SHROOM4: variants seen among roughly 807,000 people sequenced by gnomAD.
SHROOM4 encodes shroom family member 4, also known as protein Shroom4.
SHROOM4 carries 17 observed loss-of-function variants against 80.3 expected under a neutral mutation model. That is an observed-to-expected ratio of 0.21 (90% CI 0.14 to 0.32). The LOEUF (loss-of-function observed/expected upper bound fraction) is 0.32. Among genes scored for constraint, SHROOM4 ranks in the 10% least tolerant of loss-of-function variants. The pLI, the probability that SHROOM4 is intolerant of heterozygous loss-of-function variation, is 1.00. For missense variants in SHROOM4, 993 were observed against 1,140.3 expected (o/e 0.87, Z 1.86); for synonymous variants, 400 against 437.5 (o/e 0.91, Z 1.07).
At chrX:50,624,176 T>A (rs958973460) in intron 5 of SHROOM4, among the ~76,000 whole-genome samples, 11 of 112,088 alleles carry the variant, frequency 9.8e-5, no homozygotes, top group African/African-American at 3.6e-4. Context: ...AATTGTACAC[T>A]TAAAACAGGT....
chrX:50,650,540 A>T (rs1314685166), intron 2 of SHROOM4, among the ~76,000 whole-genome samples: 44 of 105,525 alleles, frequency 4.2e-4, no homozygotes, highest in African/African-American at 1.5e-3. Flanking sequence ...TTTGTATTTT[A>T]GTAGAGATGG....
At chrX:50,716,490 AT>A (rs1333613840) in intron 1 of SHROOM4, among the ~76,000 whole-genome samples, 27 of 111,807 alleles carry the variant, frequency 2.4e-4, no homozygotes, top group Non-Finnish European at 4.7e-4. Context: ...ATTAAAAATA[AT>A]TTTTTTACAA....
At chrX:50,789,936 T>G (rs782260352) in intron 1 of SHROOM4, among the ~76,000 whole-genome samples, 9 of 112,375 alleles carry the variant, frequency 8.0e-5, no homozygotes, top group Non-Finnish European at 1.7e-4. Flanking sequence ...CTAGATGGTA[T>G]AGCCTATTAC....
At chrX:50,602,541 G>C (rs1335852848) in intron 7 of SHROOM4, 92 bp downstream of exon 7, 6 of 911,870 alleles carry the variant, frequency 6.6e-6, no homozygotes, top group Non-Finnish European at 9.6e-6. Flanking sequence ...ATGGGAATGC[G>C]AGATGTTCTA....
At position 50,695,982 on chromosome X, in the gene SHROOM4, T is replaced by C. The variant is rs782152213; in HGVS notation, c.118-45A>G. 8.3e-6 allele frequency: 10 copies of C among 1,198,553 alleles called. No homozygotes were observed. The African/African-American group carries it at 1.4e-4, about 17-fold the overall frequency. On this transcript the variant is annotated intron_variant, in intron 1 of 8. Coordinates refer to ENST00000376020, the MANE Select transcript of SHROOM4 (RefSeq NM_020717.5). ...ACAGAAAGCAGGTAGTGAGATGACTTTCTCCCCAAAATTCTACTTGTTTCT... is the reference window on the plus strand; with the variant it reads ...ACAGAAAGCAGGTAGTGAGATGACTCTCTCCCCAAAATTCTACTTGTTTCT...
rs374256365 is a variant in SHROOM4, at chrX:50,641,117, T to C, written c.270-2809A>G. On this transcript the variant is annotated intron_variant, in intron 2 of 8. Coordinates refer to ENST00000376020, the MANE Select transcript of SHROOM4 (RefSeq NM_020717.5). Reference sequence around the variant, plus strand: ...TCTTCAAGGTACTGCTCAAGTACCATCTCCTCCAGGAAGCTTGTTCAGGGT... The same window carrying C: ...TCTTCAAGGTACTGCTCAAGTACCACCTCCTCCAGGAAGCTTGTTCAGGGT... Among the ~76,000 whole-genome samples, 8 of 112,148 alleles carry C rather than the reference T, an allele frequency of 7.1e-5. No homozygotes were observed. The East Asian group carries it at 8.4e-4, about 12-fold the overall frequency.
At chrX:50,693,658 T>C (rs782491536) in intron 2 of SHROOM4, among the ~76,000 whole-genome samples, 1 of 108,678 alleles carries the variant, frequency 9.2e-6, no homozygotes, top group South Asian at 4.2e-4. Flanking sequence ...GATACATACA[T>C]ATAATGTGTA....
At chrX:50,599,222 G>C (rs142125499) in intron 7 of SHROOM4, among the ~76,000 whole-genome samples, 338 of 111,104 alleles carry the variant, frequency 3.0e-3, no homozygotes, top group African/African-American at 0.011. Context: ...TTTGCACTAA[G>C]GTATTTGCCT....
chrX:50,637,031 G>A (rs1340419337), intron 3 of SHROOM4, among the ~76,000 whole-genome samples: 1 of 111,167 alleles, frequency 9.0e-6, no homozygotes, highest in Admixed American at 9.6e-5. Flanking sequence ...TACTAGTATT[G>A]ATAATATAGG....
chrX:50,744,388 T>C (rs912940052), intron 1 of SHROOM4, among the ~76,000 whole-genome samples: 4 of 111,856 alleles, frequency 3.6e-5, no homozygotes, highest in African/African-American at 9.7e-5. Context: ...CCTTAAGAAT[T>C]TTTGTTTTGC....
intron 5 of SHROOM4, among the ~76,000 whole-genome samples, chrX:50,613,912 A>G (rs1386627771): frequency 8.9e-6 from 1 of 112,341 alleles, no homozygotes; most frequent in Non-Finnish European, 1.9e-5. Context: ...TTCTAAAGTT[A>G]GCAGTAAATA....
the SHROOM4 span, among the ~76,000 whole-genome samples, chrX:50,577,831 C>T: frequency 9.0e-6 from 1 of 111,250 alleles, no homozygotes; most frequent in African/African-American, 3.3e-5. Flanking sequence ...CTCCCCTGCT[C>T]CATTGTTCAT....
chrX:50,700,635 C>G (rs937838176), intron 1 of SHROOM4, among the ~76,000 whole-genome samples: 1 of 111,477 alleles, frequency 9.0e-6, no homozygotes, highest in Admixed American at 9.5e-5. Flanking sequence ...GCTTTCAAAC[C>G]TCGGCAGTCT....
At chrX:50,798,617 C>T (rs1936061425) in intron 1 of SHROOM4, among the ~76,000 whole-genome samples, 1 of 111,433 alleles carries the variant, frequency 9.0e-6, no homozygotes, top group Non-Finnish European at 1.9e-5. Context: ...CACTTACTGG[C>T]TTGGTTACTT....
chrX:50,680,029 A>G (rs1932908147), intron 2 of SHROOM4, among the ~76,000 whole-genome samples: 1 of 112,207 alleles, frequency 8.9e-6, no homozygotes, highest in East Asian at 2.8e-4. Context: ...AATTCTCAGA[A>G]TCAATGTCTC....
chrX:50,627,603 C>A lies in SHROOM4; in HGVS notation c.2957+11G>T. The stretch of plus-strand genomic sequence containing the variant: ...CACCAACCCACCCCAACTCCCTGAG[C>A]GCTCACTTACCTCCCTGACTGGCTG... On this transcript the variant is annotated intron_variant, in intron 5 of 8. Coordinates refer to ENST00000376020, the MANE Select transcript of SHROOM4 (RefSeq NM_020717.5). 1 of 1,206,306 alleles carries A rather than the reference C, an allele frequency of 8.3e-7. No homozygotes were observed. The highest frequency in any genetic ancestry group is 1.1e-6 in the Non-Finnish European group (1 of 890,582).
At chrX:50,612,743 A>G (rs1930056886) in intron 5 of SHROOM4, among the ~76,000 whole-genome samples, 1 of 111,998 alleles carries the variant, frequency 8.9e-6, no homozygotes, top group African/African-American at 3.2e-5. Context: ...CTACTGATAT[A>G]ATTGACAACA....
the SHROOM4 span, among the ~76,000 whole-genome samples, chrX:50,577,320 A>G: frequency 9.7e-5 from 11 of 113,036 alleles, no homozygotes; most frequent in African/African-American, 3.2e-4. Context: ...AATACTCACT[A>G]TTCTATGTTT....
rs782466471 is a variant in SHROOM4, at chrX:50,591,572, CAAT to C, written c.*5120_*5122del. The C allele has an allele frequency of 6.8e-4, 174 of 255,871 alleles. No homozygotes were observed. Among genetic ancestry groups the C allele is most frequent in the Non-Finnish European group, 1.1e-3 (153 of 140,975 alleles). The allele number at this position is 255,871 out of a possible 1,213,427, so 21.1% of individuals were successfully genotyped here. On this transcript the variant is annotated 3_prime_UTR_variant, in exon 9 of 9. Transcript: ENST00000376020. ...TTTGATCTTCTCTAATCTCTTTCAA[CAAT>C]GTTTTATAGTTTTCAGTGTAAAAGT...
Sources: gnomAD v4.1 joint callset for allele counts (sites outside exome capture counted in the v4.1 genomes callset) on GRCh38, gnomAD v4.1.1 for gene constraint, MANE v1.5 for transcripts, NCBI Gene and HGNC (gene_info 2026-07-23, HGNC 2026-07-21) for gene names.